Variants in LAMC1 observed in about 807,000 individuals in gnomAD.
The protein encoded by LAMC1 is laminin subunit gamma-1.
In LAMC1, 38 loss-of-function variants were observed where a neutral mutation model predicts 173.6. The ratio of observed to expected loss-of-function variants is 0.22; its 90% CI spans 0.17 to 0.29. The LOEUF is 0.29. Among genes scored for constraint, LAMC1 ranks in the 10% least tolerant of loss-of-function variants. The pLI is 1.00. For synonymous variants in LAMC1, 746 were observed against 749.1 expected, an observed-to-expected ratio of 1.00 and a Z score of 0.07; for missense variants, 1,824 against 2,051.8, an observed-to-expected ratio of 0.89 and a Z score of 2.14.
intron 1 of LAMC1, among the ~76,000 whole-genome samples, chr1:183,046,940 T>A (rs1472047347): frequency 6.6e-6 from 1 of 152,160 alleles, no homozygotes; most frequent in Non-Finnish European, 1.5e-5. Flanking sequence ...TTAATTCTGT[T>A]GCATAATATT....
At chr1:183,137,310 G>A (rs1037220509) in intron 25 of LAMC1, among the ~76,000 whole-genome samples, 9 of 152,088 alleles carry the variant, frequency 5.9e-5, no homozygotes, top group East Asian at 5.8e-4. Context: ...TTACCTCAGC[G>A]AAAGCATCTA....
In LAMC1 at chr1:183,115,582, G is replaced by A. The variant is rs753818554; in HGVS notation, c.1273G>A (p.Asp425Asn). The change falls in exon 6 of 28, where the codon GAC (aspartate) becomes AAC (asparagine). Residue 425 changes from aspartate (D) to asparagine (N), a missense_variant. Physicochemically the swap from Asp to Asn is conservative, Grantham distance 23 (BLOSUM62 1). Transcript: ENST00000258341. The part of the protein sequence containing the change: ...RCSCKPGVMG[D>N]KCDRCQPGFH... Reference sequence around the variant, plus strand: ...CAGCTGTAAGCCAGGAGTGATGGGGGACAAATGTGACCGTTGCCAGCCTGG... The same window carrying A: ...CAGCTGTAAGCCAGGAGTGATGGGGAACAAATGTGACCGTTGCCAGCCTGG... The A allele has an allele frequency of 2.5e-6, 4 of 1,614,142 alleles. No individual in the cohort carries two copies. Among genetic ancestry groups the A allele is most frequent in the East Asian group, 2.2e-5 (1 of 44,876 alleles).
rs755645205 is a variant in LAMC1, at chr1:183,103,443, C to T, written c.534C>T (p.Tyr178=). ...EDGPWIPYQY[Y]SGSCENTYSK... ...GGCCCTGGATTCCTTACCAGTACTACAGTGGTTCCTGTGAGAACACCTACT... is the reference window on the plus strand; with the variant it reads ...GGCCCTGGATTCCTTACCAGTACTATAGTGGTTCCTGTGAGAACACCTACT... Residue 178 remains tyrosine (Y), a synonymous_variant, in exon 2 of 28, where the codon TAC becomes TAT. Coordinates refer to ENST00000258341, the MANE Select transcript of LAMC1 (RefSeq NM_002293.4). 2.5e-6 allele frequency: 4 copies of T among 1,614,142 alleles called. No individual in the cohort carries two copies. The South Asian group carries it at 4.4e-5, about 18-fold the overall frequency.
chr1:183,089,354 G>T (rs1248510985), intron 1 of LAMC1, among the ~76,000 whole-genome samples: 1 of 152,160 alleles, frequency 6.6e-6, no homozygotes, highest in Non-Finnish European at 1.5e-5. Context: ...GCAGATTAAA[G>T]GGCCCATGTT....
chr1:183,133,679 C>T lies in LAMC1; in HGVS notation c.3849+129C>T, dbSNP rs116187521. 2.9e-3 allele frequency: 2,710 copies of T among 922,440 alleles called. 38 individuals are homozygous for T. The African/African-American group carries it at 0.04, about 14-fold the overall frequency. 57.1% of individuals were successfully genotyped at this position (922,440 alleles called of 1,614,324 possible). A position where few individuals can be genotyped will look rare whatever the true frequency, so the allele number is the denominator to read the frequency against. On this transcript the variant is annotated intron_variant, in intron 22 of 27. Transcript: ENST00000258341. ...GTAAAGTTGAGTCTTATTTCACATACGCTAATAGAACTTACCAAGGTAGCC... is the reference window on the plus strand; with the variant it reads ...GTAAAGTTGAGTCTTATTTCACATATGCTAATAGAACTTACCAAGGTAGCC...
rs147382362 is a variant in LAMC1 at position 183,140,598 on chromosome 1, T to C, written c.4573+95T>C. 1,010 of 589,688 alleles carry C rather than the reference T, an allele frequency of 1.7e-3. 5 individuals carry two copies. The highest frequency in any genetic ancestry group is 0.014 in the African/African-American group (715 of 52,286). 36.5% of individuals were successfully genotyped at this position (589,688 alleles called of 1,614,324 possible). ...ACAGTTGACTCAAAAGCAGATGATA[T>C]AGGTTTACATGAATCCCTTTTAAGT... is the stretch of plus-strand genomic sequence containing the variant. On this transcript the variant is annotated intron_variant, in intron 27 of 27. Transcript: ENST00000258341.
intron 3 of LAMC1, among the ~76,000 whole-genome samples, chr1:183,110,137 G>A (rs141083018): frequency 6.6e-6 from 1 of 152,270 alleles, no homozygotes; most frequent in African/African-American, 2.4e-5. Flanking sequence ...ACAGGGAAGG[G>A]TTTCAAACCC....
At chr1:183,122,649 G>A (rs1428623067) in intron 13 of LAMC1, among the ~76,000 whole-genome samples, 1 of 152,078 alleles carries the variant, frequency 6.6e-6, no homozygotes. Flanking sequence ...CCACATCCCT[G>A]TTCACCTTTC....
At chr1:183,077,776 G>GTATA (rs68083893) in intron 1 of LAMC1, among the ~76,000 whole-genome samples, 12,675 of 116,506 alleles carry the variant, frequency 0.11, 982 homozygotes, top group South Asian at 0.2. Context: ...TGGCCATTGT[G>GTATA]TATATATATA....
chr1:183,132,896 A>G (rs890581277), intron 21 of LAMC1, among the ~76,000 whole-genome samples: 3 of 152,170 alleles, frequency 2.0e-5, no homozygotes, highest in African/African-American at 7.2e-5. Context: ...CATACATTAT[A>G]GAAAATTTTT....
In LAMC1 at chr1:183,035,670, C is replaced by T. The variant is rs1045654192; in HGVS notation, c.418+11536C>T. The stretch of plus-strand genomic sequence containing the variant: ...TACCTGTGAAAAGAAAATTTCTACA[C>T]GTTCTGAATTTATTATGCCAAGCGG... On this transcript the variant is annotated intron_variant, in intron 1 of 27. Transcript: ENST00000258341. Among the ~76,000 whole-genome samples, 6 of 152,100 alleles carry T rather than the reference C, an allele frequency of 3.9e-5. No homozygotes were observed. In the East Asian group the frequency reaches 5.8e-4, roughly 15 times the overall value.
chr1:183,048,507 A>T (rs2102020903), intron 1 of LAMC1, among the ~76,000 whole-genome samples: 1 of 152,310 alleles, frequency 6.6e-6, no homozygotes, highest in South Asian at 2.1e-4. Flanking sequence ...TAAACTTGTT[A>T]TAAATAAGTA....
At position 183,125,446 on chromosome 1, in the gene LAMC1, C is replaced by T. The variant is rs755176390; in HGVS notation, c.2697C>T (p.Asn899=). Residue 899 remains asparagine, a synonymous_variant, in exon 15 of 28, where the codon AAC becomes AAT. Coordinates refer to ENST00000258341, the MANE Select transcript of LAMC1 (RefSeq NM_002293.4). ...CCATGAAGCAGCAGAGCAGCTGTAA[C>T]CCCGTGACGGGGCAGTGTGAATGTT... ...YGTMKQQSSC[N]PVTGQCECLP... 6.2e-7 allele frequency: 1 copy of T among 1,614,128 alleles called. No individual in the cohort carries two copies. Among genetic ancestry groups the T allele is most frequent in the Non-Finnish European group, 8.5e-7 (1 of 1,179,972 alleles).
intron 1 of LAMC1, among the ~76,000 whole-genome samples, chr1:183,079,232 GTTTTTTTTTTTTTTTTTTTTTT>G (rs796732672): frequency 0.012 from 733 of 62,830 alleles, 11 homozygotes; most frequent in African/African-American, 0.038. Flanking sequence ...CTCTAATCTG[GTTTTTTTTTTTTTTTTTTTTTT>G]TTTTTTTTTT....
chr1:183,080,969 A>G (rs1329603529), intron 1 of LAMC1, among the ~76,000 whole-genome samples: 2 of 151,806 alleles, frequency 1.3e-5, no homozygotes, highest in Non-Finnish European at 2.9e-5. Context: ...GCTCACTGCA[A>G]CCCCCATCTT....
chr1:183,110,969 C>T (rs192158397), intron 4 of LAMC1, among the ~76,000 whole-genome samples: 2 of 152,122 alleles, frequency 1.3e-5, no homozygotes, highest in African/African-American at 2.4e-5. Flanking sequence ...TTTCTCTAGT[C>T]GTATTTGTTC....
Position 183,117,424 on chromosome 1 carries a change from C to T in LAMC1, c.1669C>T (p.Arg557Trp), listed in dbSNP as rs150392886. The change falls in exon 9 of 28, where the codon CGG becomes TGG. Residue 557 changes from arginine (R) to tryptophan (W), a missense_variant. Coordinates refer to ENST00000258341, the MANE Select transcript of LAMC1 (RefSeq NM_002293.4). ...IAVISDSYFP[R>W]YFIAPAKFLG... ...CGTGATCTCAGACAGCTACTTTCCT[C>T]GGTACTTCATTGCTCCTGGTAAGTA... is the stretch of plus-strand genomic sequence containing the variant. 4.5e-4 allele frequency: 731 copies of T among 1,613,686 alleles called. 14 individuals carry two copies. In the East Asian group the frequency reaches 0.014, roughly 31 times the overall value.
At chr1:183,108,530 G>T in intron 3 of LAMC1, 124 bp downstream of exon 3, 1 of 775,682 alleles carries the variant, frequency 1.3e-6, no homozygotes, top group Non-Finnish European at 2.0e-6. Context: ...GAATAGGAGC[G>T]GCAGTCCTTC....
intron 1 of LAMC1, among the ~76,000 whole-genome samples, chr1:183,048,095 G>A (rs540539583): frequency 6.6e-6 from 1 of 152,210 alleles, no homozygotes; most frequent in East Asian, 1.9e-4. Flanking sequence ...TATATTCTTA[G>A]CCTCTTTTTT....
Sources: gnomAD v4.1 joint callset for allele counts (sites outside exome capture counted in the v4.1 genomes callset) on GRCh38, gnomAD v4.1.1 for gene constraint, MANE v1.5 for transcripts, NCBI Gene and HGNC (gene_info 2026-07-23, HGNC 2026-07-21) for gene names.